The following PXDNL variants were observed in gnomAD, a reference collection of about 807,000 sequenced individuals.
The protein encoded by PXDNL is peroxidasin like, also known as probable oxidoreductase PXDNL.
PXDNL carries 145 observed loss-of-function variants against 150.8 expected under a neutral mutation model. The ratio of observed to expected loss-of-function variants is 0.96; its 90% confidence interval spans 0.84 to 1.10. PXDNL has a LOEUF of 1.10. PXDNL is among the 50% of genes least tolerant of loss of function. The pLI, the probability that PXDNL is intolerant of heterozygous loss-of-function variation, is 0.00. For synonymous variants in PXDNL, 757 were observed against 725.7 expected, an observed-to-expected ratio of 1.04 and a Z score of -0.69; for missense variants, 2,087 against 1,873.9, an observed-to-expected ratio of 1.11 and a Z score of -2.10.
intron 5 of PXDNL, among the ~76,000 whole-genome samples, chr8:51,496,198 G>C (rs1243134338): frequency 6.6e-6 from 1 of 152,184 alleles, no homozygotes; most frequent in Non-Finnish European, 1.5e-5. Flanking sequence ...TATCTCAATA[G>C]ATGCAGAAAA....
intron 1 of PXDNL, among the ~76,000 whole-genome samples, chr8:51,655,759 C>G (rs1384245136): frequency 6.6e-6 from 1 of 152,134 alleles, no homozygotes; most frequent in African/African-American, 2.4e-5. Flanking sequence ...AAGTCATGTT[C>G]TCTCTCTGGG....
intron 12 of PXDNL, among the ~76,000 whole-genome samples, chr8:51,442,693 T>C (rs967585217): frequency 1.3e-5 from 2 of 152,048 alleles, no homozygotes; most frequent in East Asian, 3.8e-4. Context: ...ACTACTCTTT[T>C]GTTCTTAAAT....
intron 17 of PXDNL, among the ~76,000 whole-genome samples, chr8:51,395,234 C>T (rs1013987947): frequency 2.0e-5 from 3 of 152,174 alleles, no homozygotes; most frequent in Non-Finnish European, 4.4e-5. Flanking sequence ...ACTTTGTAGA[C>T]ACTATTCCAG....
intron 4 of PXDNL, among the ~76,000 whole-genome samples, chr8:51,534,174 C>A (rs1206618592): frequency 1.4e-5 from 2 of 141,028 alleles, no homozygotes; most frequent in African/African-American, 6.1e-5. Flanking sequence ...TGCTGGGCCA[C>A]AACCCTGTCT....
chr8:51,614,476 T>C (rs1814091456), intron 2 of PXDNL, among the ~76,000 whole-genome samples: 1 of 152,292 alleles, frequency 6.6e-6, no homozygotes, highest in Non-Finnish European at 1.5e-5. Flanking sequence ...ATACCTTATT[T>C]TCCCTTTTTC....
chr8:51,427,482 T>C (rs6989482), intron 12 of PXDNL, among the ~76,000 whole-genome samples: 28,787 of 151,916 alleles, frequency 0.19, 3,049 homozygotes, highest in East Asian at 0.32. Flanking sequence ...TATGAACATA[T>C]ATACAAAAAT....
chr8:51,657,208 T>C (rs1394341596), intron 1 of PXDNL, among the ~76,000 whole-genome samples: 2 of 152,152 alleles, frequency 1.3e-5, no homozygotes, highest in Non-Finnish European at 2.9e-5. Context: ...CTAATGTACA[T>C]TACATCAAAA....
Position 51,578,043 on chromosome 8 carries a change from AAGGAAG to A in PXDNL, c.308+14578_308+14583del, listed in dbSNP as rs1263036073. On this transcript the variant is annotated intron_variant, in intron 3 of 22. Coordinates refer to ENST00000356297, the MANE Select transcript of PXDNL (RefSeq NM_144651.5). ...GAAGGAAGGAAGGAAGGAAGGAAGG[AAGGAAG>A]GAAAGAAAGAAAGGAAAGAAAGAAA... Among the ~76,000 whole-genome samples the A allele has an allele frequency of 7.2e-4, 99 of 137,904 alleles. 6 individuals carry two copies. Among genetic ancestry groups the A allele is most frequent in the African/African-American group, 3.1e-3 (97 of 31,420 alleles). 90.5% of individuals were successfully genotyped at this position (137,904 alleles called of 152,430 possible).
chr8:51,683,198 T>TATGC (rs1300273268), intron 1 of PXDNL, among the ~76,000 whole-genome samples: 1 of 130,542 alleles, frequency 7.7e-6, no homozygotes, highest in Non-Finnish European at 1.6e-5. Context: ...TATATATATA[T>TATGC]ATGCCTATTA....
intron 13 of PXDNL, 101 bp from the exon 14 acceptor site, chr8:51,423,832 T>C: frequency 9.5e-7 from 1 of 1,049,696 alleles, no homozygotes; most frequent in Non-Finnish European, 1.3e-6. Context: ...CAGATATCTA[T>C]TGCACGTTTG....
intron 19 of PXDNL, among the ~76,000 whole-genome samples, chr8:51,355,400 G>A (rs904549614): frequency 2.4e-4 from 36 of 152,222 alleles, no homozygotes; most frequent in African/African-American, 7.9e-4. Flanking sequence ...TTAATGTGAC[G>A]TATGCAGCTG....
At chr8:51,520,391 G>A (rs1811635748) in intron 4 of PXDNL, among the ~76,000 whole-genome samples, 1 of 152,126 alleles carries the variant, frequency 6.6e-6, no homozygotes, top group Non-Finnish European at 1.5e-5. Context: ...GCGGGGAAGG[G>A]ACTGGGGCAG....
chr8:51,558,226 T>G (rs1476363560), intron 3 of PXDNL, among the ~76,000 whole-genome samples: 3 of 152,078 alleles, frequency 2.0e-5, no homozygotes, highest in Non-Finnish European at 4.4e-5. Flanking sequence ...TATAGTAATG[T>G]CTGGGTCCCT....
At chr8:51,625,607 G>A (rs755932932) in intron 2 of PXDNL, among the ~76,000 whole-genome samples, 3 of 152,162 alleles carry the variant, frequency 2.0e-5, no homozygotes, top group Non-Finnish European at 4.4e-5. Flanking sequence ...TGGAGGGATA[G>A]CAGGAAGAAA....
chr8:51,781,997 C>T (rs929152582), intron 1 of PXDNL, among the ~76,000 whole-genome samples: 3 of 152,170 alleles, frequency 2.0e-5, no homozygotes, highest in Non-Finnish European at 4.4e-5. Context: ...GTTCAAATGA[C>T]CTGCTGCTAC....
At chr8:51,789,227 A>C (rs2037488580) in intron 1 of PXDNL, among the ~76,000 whole-genome samples, 1 of 144,842 alleles carries the variant, frequency 6.9e-6, no homozygotes, top group African/African-American at 2.6e-5. Context: ...TTTTTATGTT[A>C]CTCATACGGT....
At chr8:51,803,737 C>T (rs1276925074) in intron 1 of PXDNL, among the ~76,000 whole-genome samples, 1 of 152,196 alleles carries the variant, frequency 6.6e-6, no homozygotes, top group Admixed American at 6.5e-5. Flanking sequence ...TTTGTGTTTA[C>T]TTGACCGTGG....
chr8:51,367,157 C>T (rs1806949292), intron 19 of PXDNL, among the ~76,000 whole-genome samples: 2 of 146,964 alleles, frequency 1.4e-5, no homozygotes, highest in African/African-American at 5.0e-5. Flanking sequence ...AAGCATGTTG[C>T]TGCTGGGTAA....
intron 1 of PXDNL, among the ~76,000 whole-genome samples, chr8:51,749,897 C>T (rs2037025761): frequency 6.6e-6 from 1 of 152,022 alleles, no homozygotes. Flanking sequence ...GACGGGGTTT[C>T]ACCATGTTGG....
Sources: allele counts gnomAD v4.1 joint callset (sites outside exome capture counted in the v4.1 genomes callset), GRCh38; gene constraint gnomAD v4.1.1; transcripts MANE v1.5; gene names NCBI Gene and HGNC (gene_info 2026-07-23, HGNC 2026-07-21).